The following SHOC1 variants were observed in gnomAD, a reference collection of about 807,000 sequenced individuals.
SHOC1 encodes the protein protein shortage in chiasmata 1 ortholog.
In SHOC1, 136 loss-of-function variants were observed where a neutral mutation model predicts 179.2. That is an observed-to-expected ratio of 0.76 (90% CI 0.66 to 0.87). The LOEUF is 0.87. Ranked by LOEUF, SHOC1 falls within the 40% of genes least tolerant of loss-of-function variation. The pLI, the probability that SHOC1 is intolerant of heterozygous loss-of-function variation, is 0.00. For synonymous variants in SHOC1, 489 were observed against 586.6 expected (o/e 0.83, Z 2.41); for missense variants, 1,538 against 1,700.8 (o/e 0.90, Z 1.68).
At chr9:111,745,622 T>C (rs866458912) in intron 10 of SHOC1, among the ~76,000 whole-genome samples, 2 of 152,306 alleles carry the variant, frequency 1.3e-5, no homozygotes, top group South Asian at 2.1e-4. Context: ...GGGACATCTA[T>C]AAGCCAAGGA....
At chr9:111,788,235 T>TA (rs11378313) in intron 2 of SHOC1, among the ~76,000 whole-genome samples, 111,876 of 143,342 alleles carry the variant, frequency 0.78, 43,643 homozygotes, top group East Asian at 0.92. Context: ...AAAATGAGAA[T>TA]AAAAAAAAAA....
At position 111,705,287 on chromosome 9, in the gene SHOC1, G is replaced by T. The variant is rs995046480; in HGVS notation, c.2815C>A (p.Leu939Ile). 6.3e-7 allele frequency: 1 copy of T among 1,586,788 alleles called. No individual in the cohort carries two copies. The change falls in exon 21 of 28, where the codon CTT becomes ATT. Residue 939 changes from leucine to isoleucine, a missense_variant. Physicochemically the swap from Leu to Ile is conservative, Grantham distance 5 (BLOSUM62 2). Coordinates refer to ENST00000682961, the MANE Select transcript of SHOC1 (RefSeq NM_001378211.1). ...TGAAGTATGTCTGGAGTATTAAGAA[G>T]TCCTTCAGATGCAAAAAACACATAT... ...IPYVFFASEG[L>I]LNTPDILQLL...
At chr9:111,714,359 A>T in intron 17 of SHOC1, 86 bp downstream of exon 17, 1 of 1,416,830 alleles carries the variant, frequency 7.1e-7, no homozygotes, top group Non-Finnish European at 9.8e-7. Context: ...ACTACTTCAT[A>T]ATTTTAAAGT....
At chr9:111,700,891 C>T (rs1242240938) in intron 23 of SHOC1, among the ~76,000 whole-genome samples, 1 of 152,164 alleles carries the variant, frequency 6.6e-6, no homozygotes, top group Non-Finnish European at 1.5e-5. Context: ...GTCTAATGAG[C>T]TCGTCTGGTA....
chr9:111,713,519 C>T (rs899077002), intron 17 of SHOC1, among the ~76,000 whole-genome samples: 3 of 152,266 alleles, frequency 2.0e-5, no homozygotes, highest in East Asian at 1.9e-4. Context: ...CTATATTTTG[C>T]TACTTACCAT....
In SHOC1 at chr9:111,793,528, A is replaced by G. The variant is rs80089790; in HGVS notation, c.-37+1372T>C. Among the ~76,000 whole-genome samples the G allele has an allele frequency of 3.9e-3, 586 of 151,676 alleles. 6 individuals carry two copies. The highest frequency in any genetic ancestry group is 0.014 in the African/African-American group (571 of 41,362). The stretch of plus-strand genomic sequence containing the variant: ...TATCAAGTTTATTTCATTGTAATAC[A>G]GATATCGAATCCATCTAATAGTGGT... On this transcript the variant is annotated intron_variant, in intron 1 of 27. Transcript: ENST00000682961.
At chr9:111,699,173 G>A (rs7853627) in intron 24 of SHOC1, among the ~76,000 whole-genome samples, 121,584 of 152,020 alleles carry the variant, frequency 0.8, 48,791 homozygotes, top group East Asian at 0.92. Context: ...GTGTGAGGTG[G>A]TGAAGGCCTG....
intron 23 of SHOC1, among the ~76,000 whole-genome samples, chr9:111,701,659 T>A (rs1357557819): frequency 2.0e-5 from 3 of 152,152 alleles, no homozygotes; most frequent in Admixed American, 6.6e-5. Flanking sequence ...CCGGAAATAT[T>A]ATTTTTCAGT....
At chr9:111,759,493 C>T in intron 5 of SHOC1, 1 of 1,231,836 alleles carries the variant, frequency 8.1e-7, no homozygotes, top group Non-Finnish European at 1.0e-6. Flanking sequence ...GGTCTCCACC[C>T]TGCCTTGTCT....
At chr9:111,765,252 A>G (rs1835304170) in intron 5 of SHOC1, among the ~76,000 whole-genome samples, 1 of 152,170 alleles carries the variant, frequency 6.6e-6, no homozygotes, top group African/African-American at 2.4e-5. Context: ...AAGCATACAA[A>G]TATTACCTTT....
intron 5 of SHOC1, among the ~76,000 whole-genome samples, chr9:111,774,682 T>TTCTC (rs1035892839): frequency 2.0e-5 from 3 of 151,550 alleles, no homozygotes; most frequent in Admixed American, 6.6e-5. Context: ...TAAGAGGAAT[T>TTCTC]TCTCTCTCTC....
At position 111,693,886 on chromosome 9, in the gene SHOC1, A is replaced by T. The variant is rs1589372166; in HGVS notation, c.3378T>A (p.Asn1126Lys). The T allele has an allele frequency of 1.9e-6, 3 of 1,611,766 alleles. No homozygotes were observed. The highest frequency in any genetic ancestry group is 2.5e-6 in the Non-Finnish European group (3 of 1,178,026). Reference sequence around the variant, plus strand: ...ATATCCAATGCAGTGAAGGTCCTTTATTTAGCATGAGCTGAGCCACCAATG... The same window carrying T: ...ATATCCAATGCAGTGAAGGTCCTTTTTTTAGCATGAGCTGAGCCACCAATG... ...INPLVAQLML[N>K]KGPSLHWILL... The change falls in exon 26 of 28, where the codon AAT (asparagine) becomes AAA (lysine). Residue 1126 changes from asparagine (N) to lysine (K), a missense_variant. Transcript: ENST00000682961.
At chr9:111,771,566 G>A (rs1835609311) in intron 5 of SHOC1, among the ~76,000 whole-genome samples, 1 of 152,008 alleles carries the variant, frequency 6.6e-6, no homozygotes, top group Non-Finnish European at 1.5e-5. Context: ...TCAGATTGAA[G>A]AACCCCCTTT....
intron 10 of SHOC1, among the ~76,000 whole-genome samples, chr9:111,743,884 G>A (rs1834149468): frequency 6.6e-6 from 1 of 152,146 alleles, no homozygotes; most frequent in African/African-American, 2.4e-5. Context: ...CAAACAAATG[G>A]AAGTGATTTA....
At chr9:111,718,402 T>C in intron 15 of SHOC1, 114 bp from the exon 16 acceptor site, 1 of 561,964 alleles carries the variant, frequency 1.8e-6, no homozygotes, top group Non-Finnish European at 2.9e-6. Context: ...GCTTACTATA[T>C]GCCAGGCTGT....
chr9:111,745,372 G>A (rs1260884486), intron 10 of SHOC1, among the ~76,000 whole-genome samples: 2 of 152,130 alleles, frequency 1.3e-5, no homozygotes, highest in Non-Finnish European at 2.9e-5. Flanking sequence ...ATAGAGCTAG[G>A]CAATCTGGCT....
chr9:111,706,713 A>G lies in SHOC1; in HGVS notation c.2592T>C (p.Tyr864=). ...TACTCCAGGGGAAATCTGCTCCAAT[A>G]TATTGATTATGTACAACTACACAGG... ...TSSCVVVHNQ[Y]IGADFPWSNF... is the part of the protein sequence containing the mutation. Residue 864 remains tyrosine (Y), a synonymous_variant, in exon 20 of 28, where the codon TAT becomes TAC. Coordinates refer to ENST00000682961, the MANE Select transcript of SHOC1 (RefSeq NM_001378211.1). 6.2e-7 allele frequency: 1 copy of G among 1,606,978 alleles called. No homozygotes were observed. The highest frequency in any genetic ancestry group is 8.5e-7 in the Non-Finnish European group (1 of 1,176,548).
intron 23 of SHOC1, among the ~76,000 whole-genome samples, 177 bp from the exon 24 acceptor site, chr9:111,700,224 C>A (rs989516416): frequency 2.6e-5 from 4 of 151,948 alleles, no homozygotes; most frequent in African/African-American, 9.7e-5. Flanking sequence ...AAAACATCTC[C>A]ATCTCCATTA....
chr9:111,687,606 A>G lies in SHOC1; in HGVS notation c.4427-736T>C, dbSNP rs113946446. ...GCTTCCTAATTCTTGAAAGTTTCCA[A>G]TAAGTCCTCATTAATTAGGATATAA... On this transcript the variant is annotated intron_variant, in intron 27 of 27. Coordinates refer to ENST00000682961, the MANE Select transcript of SHOC1 (RefSeq NM_001378211.1). Among the ~76,000 whole-genome samples, 461 of 152,302 alleles carry G rather than the reference A, an allele frequency of 3.0e-3. 2 individuals carry two copies. The highest frequency in any genetic ancestry group is 0.01 in the African/African-American group (423 of 41,566).
Sources: gnomAD v4.1 joint callset for allele counts (sites outside exome capture counted in the v4.1 genomes callset) on GRCh38, gnomAD v4.1.1 for gene constraint, MANE v1.5 for transcripts, NCBI Gene and HGNC (gene_info 2026-07-23, HGNC 2026-07-21) for gene names.